Variants in ZGPAT observed in about 807,000 individuals in gnomAD.
ZGPAT encodes zinc finger CCCH-type and G-patch domain containing.
In ZGPAT, 39 loss-of-function variants were observed where a neutral mutation model predicts 47.9. The observed-to-expected ratio is 0.81, with a 90% confidence interval of 0.63 to 1.06. The LOEUF is 1.06. Among genes scored for constraint, ZGPAT ranks in the 50% least tolerant of loss-of-function variants. The probability of loss-of-function intolerance (pLI) is 0.00; values close to 1 mark genes in which losing one functional copy is unlikely to be tolerated. For missense variants in ZGPAT, 717 were observed against 681.4 expected, an observed-to-expected ratio of 1.05 and a Z score of -0.58; for synonymous variants, 348 against 292.9, an observed-to-expected ratio of 1.19 and a Z score of -1.92.
Position 63,729,296 on chromosome 20 carries a change from C to T in ZGPAT, c.585-3923C>T, listed in dbSNP as rs528865412. Among the ~76,000 whole-genome samples, 6 of 152,302 alleles carry T rather than the reference C, an allele frequency of 3.9e-5. No homozygotes were observed. The East Asian group carries it at 9.6e-4, about 24-fold the overall frequency. On this transcript the variant is annotated intron_variant, in intron 2 of 6. Coordinates refer to ENST00000355969, the MANE Select transcript of ZGPAT (RefSeq NM_181485.3). Reference sequence around the variant, plus strand: ...CCGCCTACCTCAGCCTCCCAAAGTGCTGGGATTACAGGCGTGAGCCACCGC... The same window carrying T: ...CCGCCTACCTCAGCCTCCCAAAGTGTTGGGATTACAGGCGTGAGCCACCGC...
chr20:63,730,715 C>G (rs908639690), intron 2 of ZGPAT, among the ~76,000 whole-genome samples: 1 of 152,168 alleles, frequency 6.6e-6, no homozygotes, highest in African/African-American at 2.4e-5. Context: ...AACTCCTGAC[C>G]TCGTGATCCA....
At chr20:63,712,572 C>T (rs1364505466) in intron 2 of ZGPAT, among the ~76,000 whole-genome samples, 1 of 152,154 alleles carries the variant, frequency 6.6e-6, no homozygotes, top group Non-Finnish European at 1.5e-5. Flanking sequence ...ATGTGTAGAT[C>T]TGTTTGGGGC....
At chr20:63,722,006 C>T (rs796895242) in intron 2 of ZGPAT, among the ~76,000 whole-genome samples, 20 of 109,420 alleles carry the variant, frequency 1.8e-4, no homozygotes, top group African/African-American at 8.1e-4. Context: ...GAGTGAGACT[C>T]CATCTCGGGG....
chr20:63,711,177 G>A (rs1412094924), intron 2 of ZGPAT, among the ~76,000 whole-genome samples: 2 of 152,100 alleles, frequency 1.3e-5, no homozygotes, highest in Non-Finnish European at 2.9e-5. Context: ...CTACAAGTGT[G>A]CACTGCCACG....
At position 63,735,452 on chromosome 20, in the gene ZGPAT, A is replaced by C; in HGVS notation, c.1285A>C (p.Lys429Gln). Residue 429 changes from lysine (K) to glutamine (Q), a missense_variant, in exon 6 of 7, where the codon AAG becomes CAG. By Grantham distance (53) the Lys-to-Gln change is moderately conservative (BLOSUM62 1). Coordinates refer to ENST00000355969, the MANE Select transcript of ZGPAT (RefSeq NM_181485.3). The stretch of plus-strand genomic sequence containing the variant: ...GAGCAAGGACATGTACCATGCCAGC[A>C]AGAGTGCCAAGCGGGCCCTGAGCCT... ...RRSKDMYHAS[K>Q]SAKRALSLRL... 6.4e-7 allele frequency: 1 copy of C among 1,568,184 alleles called. No homozygotes were observed. Among genetic ancestry groups the C allele is most frequent in the Non-Finnish European group, 8.6e-7 (1 of 1,161,142 alleles).
Position 63,734,586 on chromosome 20 carries a change from G to C in ZGPAT, c.872-119G>C, listed in dbSNP as rs948671385. The C allele has an allele frequency of 7.2e-6, 11 of 1,522,910 alleles. 1 individual carries two copies. Among genetic ancestry groups the C allele is most frequent in the Admixed American group, 6.3e-5 (3 of 47,862 alleles). 94.3% of individuals were successfully genotyped at this position (1,522,910 alleles called of 1,614,324 possible). A position where few individuals can be genotyped will look rare whatever the true frequency, so the allele number is the denominator to read the frequency against. On this transcript the variant is annotated intron_variant, in intron 4 of 6. Coordinates refer to ENST00000355969, the MANE Select transcript of ZGPAT (RefSeq NM_181485.3). ...TCTGAGCTCATTGGTCAAAGCCCGGGTCACCATGCACAATCCTCTGGCCTG... is the reference window on the plus strand; with the variant it reads ...TCTGAGCTCATTGGTCAAAGCCCGGCTCACCATGCACAATCCTCTGGCCTG...
upstream of ZGPAT, chr20:63,707,921 GACCCCGCGCTA>G (rs1481543703): frequency 6.6e-6 from 1 of 152,526 alleles, no homozygotes; most frequent in Non-Finnish European, 1.5e-5. Flanking sequence ...GACCTCCGCT[GACCCCGCGCTA>G]ACCCCGCGCG....
chr20:63,733,076 G>A (rs1446288631), intron 2 of ZGPAT, 143 bp from the exon 3 acceptor site: 6 of 1,031,114 alleles, frequency 5.8e-6, no homozygotes, highest in African/African-American at 1.6e-5. Context: ...GTGTGCGTGA[G>A]TGTGTGAGAG....
chr20:63,730,171 C>T (rs1055127312), intron 2 of ZGPAT: 2 of 152,152 alleles, frequency 1.3e-5, no homozygotes, highest in South Asian at 2.1e-4. Context: ...CGTATTTAAT[C>T]GAATTCACTC....
rs79478679 is a variant in ZGPAT at position 63,734,395 on chromosome 20, G to A, written c.872-310G>A. 4.1e-4 allele frequency: 183 copies of A among 449,538 alleles called. 1 individual carries two copies. Among genetic ancestry groups the A allele is most frequent in the African/African-American group, 3.4e-3 (171 of 50,070 alleles). The allele number at this position is 449,538 out of a possible 1,614,324, so 27.8% of individuals were successfully genotyped here. On this transcript the variant is annotated intron_variant, in intron 4 of 6. Transcript: ENST00000355969. ...GGGCAGGTGAGGCGCTCACAGCCTC[G>A]CGAAGGTGGAGAAGGGCAGGGGCAG...
In ZGPAT at chr20:63,708,639, T is replaced by C. The variant is rs1168016979; in HGVS notation, c.59T>C (p.Val20Ala). 3 of 1,612,038 alleles carry C rather than the reference T, an allele frequency of 1.9e-6. No homozygotes were observed. The South Asian group carries it at 3.3e-5, about 18-fold the overall frequency. Residue 20 changes from valine to alanine, a missense_variant, in exon 2 of 7, where the codon GTG becomes GCG. By Grantham distance (64) the Val-to-Ala change is moderately conservative. Coordinates refer to ENST00000355969, the MANE Select transcript of ZGPAT (RefSeq NM_181485.3). ...LQTYRAQLQQVELALGAGLDS... is the reference protein window; with the variant it reads ...LQTYRAQLQQAELALGAGLDS... ...ACCTACCGTGCGCAGCTGCAGCAGG[T>C]GGAGCTGGCCTTGGGCGCCGGCCTG...
chr20:63,733,240 C>G lies in ZGPAT; in HGVS notation c.606C>G (p.Val202=), dbSNP rs1357018967. Residue 202 remains valine (V), a synonymous_variant, in exon 3 of 7, where the codon GTC becomes GTG. Transcript: ENST00000355969. ...ENCRFSHGQV[V]SLDELRPFQD... ...GCAGGTTCTCCCATGGGCAGGTGGT[C>G]TCTCTGGATGAGCTGCGCCCCTTCC... The G allele has an allele frequency of 1.2e-6, 2 of 1,613,532 alleles. No individual in the cohort carries two copies. Among genetic ancestry groups the G allele is most frequent in the East Asian group, 2.2e-5 (1 of 44,902 alleles).
In ZGPAT at chr20:63,735,533, A is replaced by G. The variant is rs2091976618; in HGVS notation, c.1366A>G (p.Ile456Val). 11 of 1,519,106 alleles carry G rather than the reference A, an allele frequency of 7.2e-6. No homozygotes were observed. The highest frequency in any genetic ancestry group is 9.7e-6 in the Non-Finnish European group (11 of 1,135,358). The allele number at this position is 1,519,106 out of a possible 1,614,324, so 94.1% of individuals were successfully genotyped here. Residue 456 changes from isoleucine (I) to valine (V), a missense_variant, in exon 6 of 7, where the codon ATC becomes GTC. Ile to Val is a conservative substitution (Grantham distance 29). Transcript: ENST00000355969. ...IERTQRDIRSIQEALARNAGR... is the reference protein window; with the variant it reads ...IERTQRDIRSVQEALARNAGR... ...GCGAACCCAGCGGGACATCAGGAGC[A>G]TCCAGGAGGCTCTCGCCCGCAACGC...
Position 63,708,952 on chromosome 20 carries a change from G to A in ZGPAT, c.372G>A (p.Glu124=), listed in dbSNP as rs773616947. The A allele has an allele frequency of 5.6e-6, 9 of 1,613,344 alleles. No homozygotes were observed. Among genetic ancestry groups the A allele is most frequent in the Non-Finnish European group, 6.8e-6 (8 of 1,180,004 alleles). Residue 124 remains glutamate (E), a synonymous_variant, in exon 2 of 7, where the codon GAG becomes GAA. Transcript: ENST00000355969. The part of the protein sequence containing the change: ...AAGGQEEEEG[E]DEEELSGTKV... ...GTGGGCAGGAGGAGGAAGAGGGAGA[G>A]GACGAGGAAGAGCTGAGTGGGACAA...
At chr20:63,731,053 C>T (rs2091896371) in intron 2 of ZGPAT, among the ~76,000 whole-genome samples, 2 of 150,700 alleles carry the variant, frequency 1.3e-5, no homozygotes, top group Non-Finnish European at 1.5e-5. Flanking sequence ...ATCACTATTT[C>T]ATAAGCAGGT....
At chr20:63,727,835 T>C (rs1391464276) in intron 2 of ZGPAT, among the ~76,000 whole-genome samples, 1 of 152,106 alleles carries the variant, frequency 6.6e-6, no homozygotes, top group African/African-American at 2.4e-5. Flanking sequence ...TTTTCCTAAA[T>C]ATGGATCATG....
At position 63,734,858 on chromosome 20, in the gene ZGPAT, C is replaced by T. The variant is rs772515364; in HGVS notation, c.991+34C>T. ...AAGCTGCCCTGGAGAAGTGGGCAGG[C>T]TGCTGCAGCATAGCCCAGGTCCAGC... On this transcript the variant is annotated intron_variant, in intron 5 of 6. Transcript: ENST00000355969. 5.2e-6 allele frequency: 8 copies of T among 1,544,526 alleles called. No homozygotes were observed. The South Asian group carries it at 6.3e-5, about 12-fold the overall frequency.
At chr20:63,724,370 A>G (rs1038430890) in intron 2 of ZGPAT, among the ~76,000 whole-genome samples, 3 of 151,052 alleles carry the variant, frequency 2.0e-5, no homozygotes, top group Non-Finnish European at 4.4e-5. Flanking sequence ...GCCTAAAAAA[A>G]AAAAAAAAAA....
At chr20:63,710,407 C>T (rs2091653549) in intron 2 of ZGPAT, among the ~76,000 whole-genome samples, 1 of 152,092 alleles carries the variant, frequency 6.6e-6, no homozygotes, top group Admixed American at 6.6e-5. Context: ...CCACCTTGGC[C>T]TCCCAAAGTG....
Sources: gnomAD v4.1 joint callset for allele counts (sites outside exome capture counted in the v4.1 genomes callset) on GRCh38, gnomAD v4.1.1 for gene constraint, MANE v1.5 for transcripts, NCBI Gene and HGNC (gene_info 2026-07-23, HGNC 2026-07-21) for gene names.